FES: variants seen among roughly 807,000 people sequenced by gnomAD.
FES encodes FES proto-oncogene, tyrosine kinase.
Under a neutral mutation model 109.6 loss-of-function variants are expected in FES, and 83 were observed. The ratio of observed to expected loss-of-function variants is 0.76; its 90% confidence interval spans 0.63 to 0.91. The LOEUF is 0.91. Ranked by LOEUF, FES falls within the 40% of genes least tolerant of loss-of-function variation. FES has a pLI of 0.00. For synonymous variants in FES, 458 were observed against 442.1 expected, an observed-to-expected ratio of 1.04 and a Z score of -0.45; for missense variants, 943 against 1,070.9, an observed-to-expected ratio of 0.88 and a Z score of 1.67.
chr15:90,895,052 GC>G (rs1259796192), intron 18 of FES, among the ~76,000 whole-genome samples: 1 of 152,024 alleles, frequency 6.6e-6, no homozygotes, highest in Non-Finnish European at 1.5e-5. Context: ...GGGTGACAGA[GC>G]AAGACTCCAT....
Position 90,889,581 on chromosome 15 carries a change from C to G in FES, c.871C>G (p.Leu291Val). ...DESLLEEGEP[L>V]EPGELQLNEL... The stretch of plus-strand genomic sequence containing the variant: ...GTCACTGCTTGAGGAGGGTGAACCG[C>G]TGGAGCCTGGGGAGCTCCAGCTGAA... Residue 291 changes from leucine to valine, a missense_variant, in exon 7 of 19, where the codon CTG (leucine) becomes GTG (valine). Leu to Val is a conservative substitution (Grantham distance 32). Coordinates refer to ENST00000328850, the MANE Select transcript of FES (RefSeq NM_002005.4). This position sits in a 1 kb window ranked among gnomAD's most constrained non-coding sequence, Gnocchi z 6.1. 6.2e-7 allele frequency: 1 copy of G among 1,613,772 alleles called. No homozygotes were observed. The highest frequency in any genetic ancestry group is 1.1e-5 in the South Asian group (1 of 91,078).
chr15:90,885,259 G>A lies in FES; in HGVS notation c.213+1G>A. Reference sequence around the variant, plus strand: ...CAGCCCTGACAGCCCCATCAGTCAGGTGGGTCTCTATGGGACTCTGGTGGG... The same window carrying A: ...CAGCCCTGACAGCCCCATCAGTCAGATGGGTCTCTATGGGACTCTGGTGGG... On this transcript the variant is annotated splice_donor_variant, in intron 2 of 18. Coordinates refer to ENST00000328850, the MANE Select transcript of FES (RefSeq NM_002005.4). LOFTEE classifies it high-confidence loss of function. The A allele has an allele frequency of 6.2e-7, 1 of 1,611,650 alleles. No individual in the cohort carries two copies. The highest frequency in any genetic ancestry group is 8.5e-7 in the Non-Finnish European group (1 of 1,179,552).
At chr15:90,887,869 C>A (rs1402707808) in intron 5 of FES, among the ~76,000 whole-genome samples, 1 of 152,106 alleles carries the variant, frequency 6.6e-6, no homozygotes, top group Admixed American at 6.5e-5. Context: ...GGAGAAAGAC[C>A]ATTCCAGAAA....
intron 18 of FES, among the ~76,000 whole-genome samples, 182 bp downstream of exon 18, chr15:90,894,240 A>C (rs1407354747): frequency 6.6e-6 from 1 of 152,164 alleles, no homozygotes; most frequent in African/African-American, 2.4e-5. Context: ...ACTTGAGCCC[A>C]GGAGTTCAAG....
At position 90,894,064 on chromosome 15, in the gene FES, C is replaced by T. The variant is rs79999223; in HGVS notation, c.2326+6C>T. The T allele has an allele frequency of 3.0e-4, 481 of 1,613,502 alleles. 5 individuals are homozygous for T. In the East Asian group the frequency reaches 8.7e-3, roughly 29 times the overall value. ...ACGGGAGTTTGTGGAGAAGGGTAAG[C>T]ACCCTGTGATGACAGCAGCCTCAGG... On this transcript the variant is annotated splice_donor_region_variant and intron_variant, in intron 18 of 18. Transcript: ENST00000328850.
At position 90,890,239 on chromosome 15, in the gene FES, G is replaced by T. The variant is rs370073817; in HGVS notation, c.1197G>T (p.Val399=). The part of the protein sequence containing the change: ...EHLGPGEPPP[V]LLLQDDRHST... ...TGGGCCCCGGCGAGCCCCCGCCTGT[G>T]CTGCTCCTGCAGGATGACCGCCACT... The change falls in exon 9 of 19, where the codon GTG becomes GTT. Residue 399 remains valine (V), a synonymous_variant. Coordinates refer to ENST00000328850, the MANE Select transcript of FES (RefSeq NM_002005.4). The T allele has an allele frequency of 6.3e-6, 10 of 1,598,186 alleles. No homozygotes were observed. Among genetic ancestry groups the T allele is most frequent in the Non-Finnish European group, 8.5e-6 (10 of 1,176,908 alleles).
Position 90,895,677 on chromosome 15 carries a change from A to C in FES, c.*119A>C. 2.3e-6 allele frequency: 2 copies of C among 880,330 alleles called. No individual in the cohort carries two copies. The highest frequency in any genetic ancestry group is 3.2e-6 in the Non-Finnish European group (2 of 620,290). 54.5% of individuals were successfully genotyped at this position (880,330 alleles called of 1,614,324 possible). On this transcript the variant is annotated 3_prime_UTR_variant, in exon 19 of 19. Transcript: ENST00000328850. ...CTGGACTCCTGCCACCAGCATCCAC[A>C]CTGCCGGCAGGATGCAGCGCCGTGT...
At chr15:90,887,097 C>G in intron 4 of FES, 40 bp downstream of exon 4, 1 of 1,613,352 alleles carries the variant, frequency 6.2e-7, no homozygotes, top group Non-Finnish European at 8.5e-7. Flanking sequence ...GAATCCGAAG[C>G]CAGTGCTGAC....
intron 8 of FES, 28 bp from the exon 9 acceptor site, chr15:90,890,064 C>T: frequency 6.5e-7 from 1 of 1,535,870 alleles, no homozygotes; most frequent in Non-Finnish European, 8.8e-7. Context: ...TTATTCTCAT[C>T]CACCCTCCCA....
chr15:90,891,573 G>T lies in FES; in HGVS notation c.1550G>T (p.Gly517Val), dbSNP rs2033221218. The change falls in exon 12 of 19, where the codon GGG (glycine) becomes GTG (valine). Residue 517 changes from glycine to valine, a missense_variant. Coordinates refer to ENST00000328850, the MANE Select transcript of FES (RefSeq NM_002005.4). ...CTGCAGAACCTGTACCGACTGGAAGGGGAAGGCTTTCCTAGCATTCCTTTG... is the reference window on the plus strand; with the variant it reads ...CTGCAGAACCTGTACCGACTGGAAGTGGAAGGCTTTCCTAGCATTCCTTTG... ...QSLDNLYRLE[G>V]EGFPSIPLLI... 6.2e-7 allele frequency: 1 copy of T among 1,613,696 alleles called. No individual in the cohort carries two copies. Among genetic ancestry groups the T allele is most frequent in the African/African-American group, 1.3e-5 (1 of 74,924 alleles).
intron 2 of FES, 72 bp downstream of exon 2, chr15:90,885,330 G>A: frequency 6.3e-7 from 1 of 1,598,608 alleles, no homozygotes; most frequent in Non-Finnish European, 8.5e-7. Flanking sequence ...GGGCCCTCTG[G>A]GGCAGTGGCT....
chr15:90,893,302 C>T lies in FES; in HGVS notation c.1933C>T (p.Leu645=). Residue 645 remains leucine (L), a synonymous_variant, in exon 16 of 19, where the codon CTG becomes TTG. Coordinates refer to ENST00000328850, the MANE Select transcript of FES (RefSeq NM_002005.4). The stretch of plus-strand genomic sequence containing the variant: ...CTCCCCACCTGCAGGGGGCGACTTC[C>T]TGACCTTCCTCCGCACGGAGGGGGC... ...VMELVQGGDF[L]TFLRTEGARL... is the part of the protein sequence containing the mutation. 1.3e-6 allele frequency: 2 copies of T among 1,589,626 alleles called. No homozygotes were observed. Among genetic ancestry groups the T allele is most frequent in the African/African-American group, 2.7e-5 (2 of 74,844 alleles).
chr15:90,885,061 G>A lies in FES; in HGVS notation c.16G>A (p.Glu6Lys), dbSNP rs148808573. Residue 6 changes from glutamate (E) to lysine (K), a missense_variant, in exon 2 of 19, where the codon GAG becomes AAG. Transcript: ENST00000328850. MGFSSELCSPQGHGVL... is the reference protein window; with the variant it reads MGFSSKLCSPQGHGVL... ...GAACAGCACTATGGGCTTCTCTTCC[G>A]AGCTGTGCAGCCCCCAGGGCCACGG... 2 of 1,611,920 alleles carry A rather than the reference G, an allele frequency of 1.2e-6. No homozygotes were observed. Among genetic ancestry groups the A allele is most frequent in the African/African-American group, 1.3e-5 (1 of 74,922 alleles).
At chr15:90,890,316 C>A in intron 9 of FES, 38 bp downstream of exon 9, 1 of 1,589,002 alleles carries the variant, frequency 6.3e-7, no homozygotes, top group Non-Finnish European at 8.6e-7. Context: ...CCGCCACCGG[C>A]CTGCCCACCT....
chr15:90,894,127 A>G (rs1265928015), intron 18 of FES, 69 bp downstream of exon 18: 6 of 1,562,614 alleles, frequency 3.8e-6, no homozygotes, highest in Non-Finnish European at 5.2e-6. Context: ...GGACTCTTCT[A>G]ACTCCCTTAA....
rs2071383 is a variant in FES, at chr15:90,887,206, T to C, written c.504T>C (p.Ala168=). ...TGGCAGACAAGGACCGTGACAAGGC[T>C]AAGGACAAGTATGTGCGCAGCCTGT... is the stretch of plus-strand genomic sequence containing the variant. The part of the protein sequence containing the change: ...EASKDKDRDK[A]KDKYVRSLWK... Residue 168 remains alanine (A), a synonymous_variant, in exon 5 of 19, where the codon GCT becomes GCC. Transcript: ENST00000328850. 1,554,546 of 1,613,450 alleles carry C rather than the reference T, an allele frequency of 0.96. 749,121 individuals are homozygous for C. The highest frequency in any genetic ancestry group is 0.98 in the Admixed American group (58,981 of 60,024).
Position 90,889,788 on chromosome 15 carries a change from G to C in FES, c.927-52G>C, listed in dbSNP as rs1312432558. ...CTCTACAGGGATGCACTGGACCTGG[G>C]TTGAGGGGGCAGGAGGGCTCGGTTC... On this transcript the variant is annotated intron_variant, in intron 7 of 18. Transcript: ENST00000328850. The surrounding 1 kb of genome is among the most constrained non-coding windows in gnomAD (Gnocchi z 6.1). 8.1e-6 allele frequency: 13 copies of C among 1,610,454 alleles called. No homozygotes were observed. Among genetic ancestry groups the C allele is most frequent in the Non-Finnish European group, 1.1e-5 (13 of 1,178,390 alleles).
chr15:90,890,888 G>T, intron 10 of FES, 94 bp from the exon 11 acceptor site: 1 of 1,240,804 alleles, frequency 8.1e-7, no homozygotes, highest in Non-Finnish European at 1.1e-6. Flanking sequence ...TAAGGGCTGA[G>T]GGCATATAGG....
chr15:90,884,567 G>C lies in FES; in HGVS notation c.-10+23G>C, dbSNP rs538247953. 7 of 157,680 alleles carry C rather than the reference G, an allele frequency of 4.4e-5. No homozygotes were observed. The South Asian group carries it at 8.7e-4, about 20-fold the overall frequency. The allele number at this position is 157,680 out of a possible 1,614,324, so 9.8% of individuals were successfully genotyped here. A position where few individuals can be genotyped will look rare whatever the true frequency, so the allele number is the denominator to read the frequency against. ...CGGGTACCTCTAGCCCCGGGGCCTG[G>C]AGGAGCGGTGGGAGCTGGGGGCGCG... On this transcript the variant is annotated intron_variant, in intron 1 of 18. Transcript: ENST00000328850.
Sources: allele counts gnomAD v4.1 joint callset (sites outside exome capture counted in the v4.1 genomes callset), GRCh38; gene constraint gnomAD v4.1.1; non-coding constraint Gnocchi (gnomAD v3.1); transcripts MANE v1.5; gene names NCBI Gene and HGNC (gene_info 2026-07-23, HGNC 2026-07-21).